The following NSD1 variants were observed in gnomAD, a reference collection of about 807,000 sequenced individuals.
NSD1 encodes histone-lysine N-methyltransferase, H3 lysine-36 specific.
In NSD1, 26 loss-of-function variants were observed where a neutral mutation model predicts 242.7. The observed-to-expected ratio is 0.11, with a 90% confidence interval of 0.08 to 0.15. NSD1 has a LOEUF of 0.15. NSD1 is among the 10% of genes least tolerant of loss of function. The probability of loss-of-function intolerance (pLI) is 1.00; values close to 1 mark genes in which losing one functional copy is unlikely to be tolerated. For missense variants in NSD1, 2,495 were observed against 3,272.8 expected (o/e 0.76, Z 5.80); for synonymous variants, 1,106 against 1,178.1 (o/e 0.94, Z 1.25).
chr5:177,256,008 A>G (rs1208102474), intron 12 of NSD1, among the ~76,000 whole-genome samples: 2 of 152,154 alleles, frequency 1.3e-5, no homozygotes, highest in Admixed American at 1.3e-4. Context: ...AAGGTTTCTA[A>G]CACAACATCT....
chr5:177,183,685 G>A (rs1215550104), intron 2 of NSD1, among the ~76,000 whole-genome samples: 1 of 151,964 alleles, frequency 6.6e-6, no homozygotes, highest in Non-Finnish European at 1.5e-5. Context: ...AACCTGTTGT[G>A]CTATCAAATT....
At position 177,296,390 on chromosome 5, in the gene NSD1, C is replaced by A. The variant is rs1321594457; in HGVS notation, c.*931C>A. ...ATTTTTCTCTTTGTACATGAATCCACCCCATCCCTATTTCCCTAAAACACT... is the reference window on the plus strand; with the variant it reads ...ATTTTTCTCTTTGTACATGAATCCAACCCATCCCTATTTCCCTAAAACACT... On this transcript the variant is annotated 3_prime_UTR_variant, in exon 23 of 23. Coordinates refer to ENST00000439151, the MANE Select transcript of NSD1 (RefSeq NM_022455.5). 3 of 233,256 alleles carry A rather than the reference C, an allele frequency of 1.3e-5. No individual in the cohort carries two copies. Among genetic ancestry groups the A allele is most frequent in the Non-Finnish European group, 2.5e-5 (3 of 118,120 alleles). 14.4% of individuals were successfully genotyped at this position (233,256 alleles called of 1,614,324 possible). A position where few individuals can be genotyped will look rare whatever the true frequency, so the allele number is the denominator to read the frequency against.
intron 5 of NSD1, among the ~76,000 whole-genome samples, chr5:177,233,379 A>C (rs1251865630): frequency 2.0e-5 from 3 of 151,128 alleles, no homozygotes; most frequent in African/African-American, 7.3e-5. Flanking sequence ...CCAAGGCATA[A>C]ATTTTTTTTT....
At chr5:177,139,140 A>G (rs1348215144) in intron 2 of NSD1, among the ~76,000 whole-genome samples, 8 of 151,560 alleles carry the variant, frequency 5.3e-5, no homozygotes, top group Non-Finnish European at 1.0e-4. Flanking sequence ...AATCTCAGCT[A>G]TTTGGGAGGC....
rs757392008 is a variant in NSD1 at position 177,209,732 on chromosome 5, G to A, written c.1333G>A (p.Gly445Ser). 1 of 1,613,912 alleles carries A rather than the reference G, an allele frequency of 6.2e-7. No individual in the cohort carries two copies. The highest frequency in any genetic ancestry group is 2.2e-5 in the East Asian group (1 of 44,880). Reference protein sequence around the residue: ...KGSKNRKCIPGSIKLDSEEDM... With the variant: ...KGSKNRKCIPSSIKLDSEEDM... ...GTCAAAGAACCGAAAATGTATTCCTGGTTCAATCAAGTTGGACAGTGAAGA... is the reference window on the plus strand; with the variant it reads ...GTCAAAGAACCGAAAATGTATTCCTAGTTCAATCAAGTTGGACAGTGAAGA... Residue 445 changes from glycine (G) to serine (S), a missense_variant, in exon 5 of 23, where the codon GGT (glycine) becomes AGT (serine). Coordinates refer to ENST00000439151, the MANE Select transcript of NSD1 (RefSeq NM_022455.5).
At chr5:177,165,508 T>C (rs1437025217) in intron 2 of NSD1, among the ~76,000 whole-genome samples, 6 of 152,188 alleles carry the variant, frequency 3.9e-5, no homozygotes, top group African/African-American at 1.2e-4. Flanking sequence ...GAATTCCTTA[T>C]ATATTTTGGA....
chr5:177,258,233 G>T (rs1046149842), intron 13 of NSD1, among the ~76,000 whole-genome samples: 1 of 151,780 alleles, frequency 6.6e-6, no homozygotes, highest in Non-Finnish European at 1.5e-5. Flanking sequence ...GCCTGCCTCG[G>T]CCTCCCAAAG....
At chr5:177,189,735 A>G (rs774587231) in intron 2 of NSD1, among the ~76,000 whole-genome samples, 4 of 152,220 alleles carry the variant, frequency 2.6e-5, no homozygotes, top group Non-Finnish European at 5.9e-5. Flanking sequence ...TAGGACTTGA[A>G]TAAATAAGCA....
intron 13 of NSD1, among the ~76,000 whole-genome samples, chr5:177,259,023 C>A (rs577007050): frequency 6.6e-6 from 1 of 152,042 alleles, no homozygotes; most frequent in African/African-American, 2.4e-5. Flanking sequence ...TTAGTATAGA[C>A]GGGGTTTCGC....
intron 16 of NSD1, among the ~76,000 whole-genome samples, chr5:177,272,106 C>G (rs1006446103): frequency 6.6e-6 from 1 of 152,026 alleles, no homozygotes; most frequent in Non-Finnish European, 1.5e-5. Flanking sequence ...AAGCGAGACT[C>G]TGTGTGTCCA....
chr5:177,250,340 A>G (rs550845283), intron 11 of NSD1, among the ~76,000 whole-genome samples: 3 of 152,304 alleles, frequency 2.0e-5, no homozygotes, highest in Admixed American at 6.5e-5. Flanking sequence ...AGGTAAGGTG[A>G]CCCTGTGGTC....
At chr5:177,203,120 T>C (rs894554184) in intron 3 of NSD1, among the ~76,000 whole-genome samples, 1 of 152,190 alleles carries the variant, frequency 6.6e-6, no homozygotes, top group Non-Finnish European at 1.5e-5. Flanking sequence ...AAGACATGGT[T>C]GTTACAAGGG....
At chr5:177,244,099 T>C (rs1184990242) in intron 8 of NSD1, 96 bp from the exon 9 acceptor site, 4 of 885,952 alleles carry the variant, frequency 4.5e-6, no homozygotes, top group Non-Finnish European at 7.4e-6. Flanking sequence ...CAAAATTCAA[T>C]ATCCATGGCA....
chr5:177,181,411 T>G (rs961756919), intron 2 of NSD1, among the ~76,000 whole-genome samples: 1 of 149,554 alleles, frequency 6.7e-6, no homozygotes, highest in African/African-American at 2.5e-5. Flanking sequence ...GAAACTTCAT[T>G]ATGGGTTTTT....
chr5:177,188,780 C>T (rs1430918068), intron 2 of NSD1, among the ~76,000 whole-genome samples: 1 of 151,860 alleles, frequency 6.6e-6, no homozygotes, highest in Non-Finnish European at 1.5e-5. Flanking sequence ...AGGCCTGAGC[C>T]ACCACGGCTC....
intron 2 of NSD1, among the ~76,000 whole-genome samples, chr5:177,165,228 G>A (rs979880106): frequency 6.6e-6 from 1 of 152,142 alleles, no homozygotes; most frequent in Non-Finnish European, 1.5e-5. Context: ...CTGGAGTACA[G>A]TGGTGGGATC....
At chr5:177,162,019 C>T (rs954795689) in intron 2 of NSD1, among the ~76,000 whole-genome samples, 5 of 151,794 alleles carry the variant, frequency 3.3e-5, no homozygotes, top group East Asian at 1.9e-4. Context: ...TAATTGAGGC[C>T]GGGCGCTGTG....
intron 12 of NSD1, among the ~76,000 whole-genome samples, chr5:177,253,497 A>G (rs1000715654): frequency 6.6e-6 from 1 of 152,116 alleles, no homozygotes; most frequent in African/African-American, 2.4e-5. Flanking sequence ...GTATGGATTT[A>G]CTTGGTTGTT....
intron 20 of NSD1, 37 bp from the exon 21 acceptor site, chr5:177,288,782 A>G (rs1272656640): frequency 1.1e-5 from 16 of 1,396,638 alleles, no homozygotes; most frequent in Non-Finnish European, 1.4e-5. Flanking sequence ...TGTAATTAAA[A>G]CCATAGATAT....
Sources: gnomAD v4.1 joint callset for allele counts (sites outside exome capture counted in the v4.1 genomes callset) on GRCh38, gnomAD v4.1.1 for gene constraint, MANE v1.5 for transcripts, NCBI Gene and HGNC (gene_info 2026-07-23, HGNC 2026-07-21) for gene names.